The following HTR3B variants were observed in gnomAD, a reference collection of about 807,000 sequenced individuals.
HTR3B encodes 5-hydroxytryptamine receptor 3B.
HTR3B carries 44 observed loss-of-function variants against 42.8 expected under a neutral mutation model. That is an observed-to-expected ratio of 1.03 (90% CI 0.81 to 1.32). The LOEUF (loss-of-function observed/expected upper bound fraction) is 1.32, where lower values mean the gene tolerates loss of function less well. Among genes scored for constraint, HTR3B ranks in the 40% most tolerant of loss-of-function variants. HTR3B has a pLI of 0.00. For synonymous variants in HTR3B, 203 were observed against 209.0 expected (o/e 0.97, Z 0.25); for missense variants, 527 against 536.5 (o/e 0.98, Z 0.17).
chr11:113,933,173 T>G lies in HTR3B; in HGVS notation c.696+80T>G, dbSNP rs988603094. On this transcript the variant is annotated intron_variant, in intron 6 of 8. Transcript: ENST00000260191. ...CTCTCTTGGGCCAAGGAATTTCTGCTCTATTGCATGTTCTCATTCATTATC... is the reference window on the plus strand; with the variant it reads ...CTCTCTTGGGCCAAGGAATTTCTGCGCTATTGCATGTTCTCATTCATTATC... 2.7e-5 allele frequency: 37 copies of G among 1,373,982 alleles called. No individual in the cohort carries two copies. The African/African-American group carries it at 5.2e-4, about 19-fold the overall frequency. The allele number at this position is 1,373,982 out of a possible 1,614,324, so 85.1% of individuals were successfully genotyped here.
chr11:113,911,963 T>C (rs908713957), intron 2 of HTR3B, among the ~76,000 whole-genome samples: 8 of 152,226 alleles, frequency 5.3e-5, no homozygotes, highest in Non-Finnish European at 5.9e-5. Context: ...TGATTAGTTT[T>C]ACTGGTTGTA....
chr11:113,927,574 T>A (rs1949988086), intron 2 of HTR3B, among the ~76,000 whole-genome samples: 1 of 152,086 alleles, frequency 6.6e-6, no homozygotes, highest in South Asian at 2.1e-4. Context: ...TTTCCTTTTT[T>A]TTTTTTGAGA....
chr11:113,906,653 A>C (rs1454347408), intron 1 of HTR3B, among the ~76,000 whole-genome samples: 1 of 152,162 alleles, frequency 6.6e-6, no homozygotes, highest in African/African-American at 2.4e-5. Context: ...GTTACACTTA[A>C]TCATGTAGCG....
intron 6 of HTR3B, among the ~76,000 whole-genome samples, chr11:113,935,920 C>T (rs1254205577): frequency 5.3e-5 from 8 of 152,164 alleles, no homozygotes; most frequent in Non-Finnish European, 7.3e-5. Flanking sequence ...TCAAGTGCTC[C>T]GGATGCCCCA....
intron 6 of HTR3B, 24 bp from the exon 7 acceptor site, chr11:113,942,958 A>C: frequency 6.2e-7 from 1 of 1,610,194 alleles, no homozygotes; most frequent in Non-Finnish European, 8.5e-7. Context: ...TCCTCTTTTC[A>C]TCAGACCACT....
chr11:113,918,839 T>G (rs2137501099), intron 2 of HTR3B, among the ~76,000 whole-genome samples: 1 of 152,224 alleles, frequency 6.6e-6, no homozygotes, highest in East Asian at 1.9e-4. Context: ...GTATTTTTAG[T>G]AGAGACGGGG....
chr11:113,907,348 A>AG (rs1565555102), intron 1 of HTR3B, among the ~76,000 whole-genome samples: 1 of 152,314 alleles, frequency 6.6e-6, no homozygotes, highest in East Asian at 1.9e-4. Flanking sequence ...TTAGCTTTCA[A>AG]GGGGCATAAT....
In HTR3B at chr11:113,904,993, C is replaced by T; in HGVS notation, c.52+8C>T. The T allele has an allele frequency of 6.2e-7, 1 of 1,601,040 alleles. No individual in the cohort carries two copies. Among genetic ancestry groups the T allele is most frequent in the Non-Finnish European group, 8.6e-7 (1 of 1,168,450 alleles). Reference sequence around the variant, plus strand: ...GCATCCTGGTGGCTGCAGGTGAGTCCTTTTAATAATTTTACTAGGCATTAA... The same window carrying T: ...GCATCCTGGTGGCTGCAGGTGAGTCTTTTTAATAATTTTACTAGGCATTAA... On this transcript the variant is annotated splice_region_variant and intron_variant, in intron 1 of 8. Coordinates refer to ENST00000260191, the MANE Select transcript of HTR3B (RefSeq NM_006028.5).
chr11:113,930,046 T>A (rs1950017530), intron 2 of HTR3B, among the ~76,000 whole-genome samples: 1 of 152,204 alleles, frequency 6.6e-6, no homozygotes, highest in East Asian at 1.9e-4. Flanking sequence ...TCGCCCATTT[T>A]AAAACAGGGC....
chr11:113,904,880 G>T lies in HTR3B; in HGVS notation c.-54G>T. On this transcript the variant is annotated 5_prime_UTR_variant, in exon 1 of 9. Coordinates refer to ENST00000260191, the MANE Select transcript of HTR3B (RefSeq NM_006028.5). ...GAACCCTGTTAGGAGAAATTGAGCGGCATTCCATCTGGTAGGCAAGTTTGC... is the reference window on the plus strand; with the variant it reads ...GAACCCTGTTAGGAGAAATTGAGCGTCATTCCATCTGGTAGGCAAGTTTGC... The T allele has an allele frequency of 7.2e-7, 1 of 1,387,140 alleles. No individual in the cohort carries two copies. The highest frequency in any genetic ancestry group is 1.0e-6 in the Non-Finnish European group (1 of 973,276). The allele number at this position is 1,387,140 out of a possible 1,614,324, so 85.9% of individuals were successfully genotyped here. A position where few individuals can be genotyped will look rare whatever the true frequency, so the allele number is the denominator to read the frequency against.
At chr11:113,943,853 A>C (rs1950155796) in intron 7 of HTR3B, among the ~76,000 whole-genome samples, 1 of 151,700 alleles carries the variant, frequency 6.6e-6, no homozygotes, top group African/African-American at 2.4e-5. Flanking sequence ...GAGAAAAAGA[A>C]AGAGAGAAAG....
chr11:113,928,980 G>A (rs543950893), intron 2 of HTR3B, among the ~76,000 whole-genome samples: 7 of 152,330 alleles, frequency 4.6e-5, no homozygotes, highest in African/African-American at 1.7e-4. Flanking sequence ...GAACATGTGT[G>A]TATAAATACC....
chr11:113,934,981 C>T (rs1250301328), intron 6 of HTR3B, among the ~76,000 whole-genome samples: 1 of 152,052 alleles, frequency 6.6e-6, no homozygotes, highest in Non-Finnish European at 1.5e-5. Flanking sequence ...AGGAGACAAA[C>T]ACAGGAAAGA....
intron 7 of HTR3B, among the ~76,000 whole-genome samples, chr11:113,943,976 T>G (rs1054798516): frequency 6.6e-6 from 1 of 151,512 alleles, no homozygotes; most frequent in African/African-American, 2.4e-5. Context: ...GAGGATTGCT[T>G]GAGCCCAAGA....
At chr11:113,929,985 C>T (rs1430348880) in intron 2 of HTR3B, among the ~76,000 whole-genome samples, 1 of 152,176 alleles carries the variant, frequency 6.6e-6, no homozygotes, top group African/African-American at 2.4e-5. Context: ...ACCCACGAGC[C>T]TCAGCCTCCC....
At chr11:113,933,444 C>T (rs1369821989) in intron 6 of HTR3B, among the ~76,000 whole-genome samples, 5 of 152,142 alleles carry the variant, frequency 3.3e-5, no homozygotes, top group Non-Finnish European at 7.3e-5. Context: ...CACACAACAA[C>T]AACAAATTGG....
In HTR3B at chr11:113,904,999, A is replaced by C. The variant is rs1378533819; in HGVS notation, c.52+14A>C. ...TGGTGGCTGCAGGTGAGTCCTTTTA[A>C]TAATTTTACTAGGCATTAAGGATTA... On this transcript the variant is annotated intron_variant, in intron 1 of 8. Transcript: ENST00000260191. 3.8e-6 allele frequency: 6 copies of C among 1,586,036 alleles called. No homozygotes were observed. Among genetic ancestry groups the C allele is most frequent in the Non-Finnish European group, 5.2e-6 (6 of 1,154,882 alleles).
intron 2 of HTR3B, among the ~76,000 whole-genome samples, chr11:113,920,785 G>T (rs1422703598): frequency 1.3e-5 from 2 of 152,106 alleles, no homozygotes; most frequent in Non-Finnish European, 2.9e-5. Context: ...GTCTTAAACA[G>T]CTTGAATAGA....
In HTR3B at chr11:113,946,131, C is replaced by A. The variant is rs759645732; in HGVS notation, c.1320C>A (p.Gly440=). The A allele has an allele frequency of 1.2e-6, 2 of 1,607,630 alleles. No individual in the cohort carries two copies. ...TLCSLWALWG[G]V ...GCTCCCTCTGGGCACTGTGGGGCGGCGTGTGAAGACTGAAGTGTTCTTCAG... is the reference window on the plus strand; with the variant it reads ...GCTCCCTCTGGGCACTGTGGGGCGGAGTGTGAAGACTGAAGTGTTCTTCAG... The change falls in exon 9 of 9, where the codon GGC becomes GGA. Residue 440 remains glycine, a synonymous_variant. Transcript: ENST00000260191.
Sources: gnomAD v4.1 joint callset for allele counts (sites outside exome capture counted in the v4.1 genomes callset) on GRCh38, gnomAD v4.1.1 for gene constraint, MANE v1.5 for transcripts, NCBI Gene and HGNC (gene_info 2026-07-23, HGNC 2026-07-21) for gene names.